The following LUZP1 variants were observed in gnomAD, a reference collection of about 807,000 sequenced individuals.
LUZP1 encodes filamin mechanobinding actin cross-linking protein.
In LUZP1, 25 loss-of-function variants were observed where a neutral mutation model predicts 71.3. The observed-to-expected ratio is 0.35, with a 90% CI of 0.26 to 0.49. LUZP1 has a LOEUF of 0.49. Among genes scored for constraint, LUZP1 ranks in the 20% least tolerant of loss-of-function variants. The pLI, the probability that LUZP1 is intolerant of heterozygous loss-of-function variation, is 0.99. For synonymous variants in LUZP1, 481 were observed against 506.4 expected (o/e 0.95, Z 0.67); for missense variants, 1,142 against 1,300.8 (o/e 0.88, Z 1.88).
intron 2 of LUZP1, among the ~76,000 whole-genome samples, chr1:23,150,998 A>G (rs1165643845): frequency 2.0e-5 from 3 of 152,184 alleles, no homozygotes; most frequent in East Asian, 3.8e-4. Context: ...TGAATGCCAC[A>G]TGACTAGAAC....
chr1:23,152,733 G>C (rs1004773618), intron 2 of LUZP1, among the ~76,000 whole-genome samples: 3 of 151,974 alleles, frequency 2.0e-5, no homozygotes, highest in African/African-American at 7.3e-5. Context: ...GTTTTGCCAC[G>C]TTGGCCAGGC....
intron 1 of LUZP1, among the ~76,000 whole-genome samples, chr1:23,176,202 T>C (rs2148228972): frequency 6.6e-6 from 1 of 152,072 alleles, no homozygotes; most frequent in African/African-American, 2.4e-5. Context: ...GCTGGGATTA[T>C]AGGCGTGCGC....
Position 23,092,607 on chromosome 1 carries a change from A to G in LUZP1, c.1655T>C (p.Val552Ala), listed in dbSNP as rs920136372. 5.0e-6 allele frequency: 8 copies of G among 1,614,174 alleles called. No homozygotes were observed. The highest frequency in any genetic ancestry group is 6.8e-6 in the Non-Finnish European group (8 of 1,180,022). ...ACAGCCAGAGTTTGCAGCCTGAGTT[A>G]CTTGACTTCCGTTGCCAAGCACGTG... The change falls in exon 4 of 5, where the codon GTA becomes GCA. Residue 552 changes from valine to alanine, a missense_variant. Coordinates refer to ENST00000302291, the Ensembl canonical transcript of LUZP1.
intron 2 of LUZP1, among the ~76,000 whole-genome samples, chr1:23,146,245 T>C (rs1644342041): frequency 6.6e-6 from 1 of 152,196 alleles, no homozygotes; most frequent in South Asian, 2.1e-4. Context: ...CTCGATCTCT[T>C]GACCTCATGA....
intron 4 of LUZP1, 89 bp downstream of exon 3, chr1:23,091,099 GTC>G: frequency 7.6e-7 from 1 of 1,317,504 alleles, no homozygotes; most frequent in Non-Finnish European, 1.0e-6. Flanking sequence ...AAGATCCTGG[GTC>G]ACACAGGCCA....
chr1:23,125,292 C>T (rs1185800957), intron 2 of LUZP1, among the ~76,000 whole-genome samples: 1 of 152,100 alleles, frequency 6.6e-6, no homozygotes, highest in Non-Finnish European at 1.5e-5. Flanking sequence ...ATGATGGCTG[C>T]GACCCCTGTA....
intron 2 of LUZP1, among the ~76,000 whole-genome samples, chr1:23,151,702 G>A (rs1644386149): frequency 6.6e-6 from 1 of 152,174 alleles, no homozygotes. Flanking sequence ...CACAGTAGAT[G>A]CTTAAGAAAT....
chr1:23,093,781 T>G lies in LUZP1; in HGVS notation c.481A>C (p.Lys161Gln). 6.2e-7 allele frequency: 1 copy of G among 1,614,042 alleles called. No individual in the cohort carries two copies. Among genetic ancestry groups the G allele is most frequent in the Non-Finnish European group, 8.5e-7 (1 of 1,180,014 alleles). Residue 161 changes from lysine (K) to glutamine (Q), a missense_variant, in exon 4 of 5, where the codon AAA (lysine) becomes CAA (glutamine). Transcript: ENST00000302291. This position sits in a 1 kb window ranked among gnomAD's most constrained non-coding sequence, Gnocchi z 4.2. ...TCAGAAGATTCTAGTTCTTTCACTTTGACTCTGAGCATTTCCAGCTCAGAG... is the reference window on the plus strand; with the variant it reads ...TCAGAAGATTCTAGTTCTTTCACTTGGACTCTGAGCATTTCCAGCTCAGAG...
chr1:23,170,287 TG>T (rs1223842685), intron 1 of LUZP1, among the ~76,000 whole-genome samples: 3 of 152,164 alleles, frequency 2.0e-5, no homozygotes, highest in African/African-American at 7.2e-5. Context: ...TCATATGTTC[TG>T]GGGTCATAAT....
intron 2 of LUZP1, among the ~76,000 whole-genome samples, chr1:23,119,944 GT>G (rs796427865): frequency 6.7e-4 from 98 of 145,960 alleles, no homozygotes; most frequent in Admixed American, 1.0e-3. Flanking sequence ...TTTGTTGGTA[GT>G]TTTTTTTTTT....
At chr1:23,161,414 G>A (rs1051916262) in intron 2 of LUZP1, among the ~76,000 whole-genome samples, 1 of 152,120 alleles carries the variant, frequency 6.6e-6, no homozygotes, top group African/African-American at 2.4e-5. Flanking sequence ...AGAAGTGTTC[G>A]AGGAAGACAG....
At position 23,092,236 on chromosome 1, in the gene LUZP1, TATTTACC is replaced by T. The variant is rs746228519; in HGVS notation, c.2019_2025del (p.Val674GlnfsTer43). 2.1e-5 allele frequency: 34 copies of T among 1,614,032 alleles called. No homozygotes were observed. The highest frequency in any genetic ancestry group is 2.9e-5 in the Non-Finnish European group (34 of 1,180,012). ...GGCTCTGGCTCTGGAGTGATGGTTG[TATTTACC>T]AACTTGGCAGTAACAAGAGATGCTA... is the stretch of plus-strand genomic sequence containing the variant. On this transcript the variant is annotated frameshift_variant, in exon 4 of 5. Coordinates refer to ENST00000302291, the Ensembl canonical transcript of LUZP1. LOFTEE classifies it high-confidence loss of function.
chr1:23,099,894 C>T (rs1183826624), intron 3 of LUZP1, among the ~76,000 whole-genome samples: 1 of 152,190 alleles, frequency 6.6e-6, no homozygotes, highest in African/African-American at 2.4e-5. Flanking sequence ...CATGATGTGG[C>T]CCCGCCAGCC....
At chr1:23,110,628 G>GCACACACACA (rs1433726525) in intron 2 of LUZP1, among the ~76,000 whole-genome samples, 1 of 48,946 alleles carries the variant, frequency 2.0e-5, no homozygotes, top group Non-Finnish European at 5.3e-5. Context: ...GCATGAACGC[G>GCACACACACA]CACACATACA....
chr1:23,098,328 G>A (rs942007356), intron 3 of LUZP1, among the ~76,000 whole-genome samples: 13 of 152,284 alleles, frequency 8.5e-5, no homozygotes, highest in African/African-American at 2.9e-4. Context: ...AAGGGTACCA[G>A]GTACCAGAGG....
chr1:23,170,887 T>C (rs1016994927), intron 1 of LUZP1, among the ~76,000 whole-genome samples: 5 of 151,864 alleles, frequency 3.3e-5, no homozygotes, highest in African/African-American at 1.2e-4. Context: ...GTCCAGGAGT[T>C]TGAGACCAGC....
rs34961909 is a variant in LUZP1, at chr1:23,088,945, G to A, written c.3181C>T (p.Arg1061Trp). The A allele has an allele frequency of 1.0e-3, 1,653 of 1,614,110 alleles. 22 individuals carry two copies. In the East Asian group the frequency reaches 0.025, roughly 25 times the overall value. Residue 1061 changes from arginine (R) to tryptophan (W), a missense_variant, in exon 5 of 5, where the codon CGG (arginine) becomes TGG (tryptophan). Transcript: ENST00000302291. ...GTTGGCCGTAATCGTTCCTCGGCCC[G>A]TACTCGCCCAGACTCTGGCAGCCCC...
intron 2 of LUZP1, among the ~76,000 whole-genome samples, chr1:23,127,860 T>C (rs1644184354): frequency 6.6e-6 from 1 of 151,412 alleles, no homozygotes; most frequent in African/African-American, 2.4e-5. Context: ...TGGCCGGGCG[T>C]GGTGGCTCAT....
At chr1:23,156,732 G>A (rs1053587498) in intron 2 of LUZP1, among the ~76,000 whole-genome samples, 4 of 152,118 alleles carry the variant, frequency 2.6e-5, no homozygotes, top group Non-Finnish European at 5.9e-5. Context: ...ATGACTGGGC[G>A]CATCTTCCAA....
Sources: allele counts gnomAD v4.1 joint callset (sites outside exome capture counted in the v4.1 genomes callset), GRCh38; gene constraint gnomAD v4.1.1; non-coding constraint Gnocchi (gnomAD v3.1); transcripts MANE v1.5; gene names NCBI Gene and HGNC (gene_info 2026-07-23, HGNC 2026-07-21).